EPB41L4A: variants seen among roughly 807,000 people sequenced by gnomAD.
EPB41L4A encodes the protein erythrocyte membrane protein band 4.1 like 4A, also known as band 4.1-like protein 4A.
Under a neutral mutation model 108.6 loss-of-function variants are expected in EPB41L4A, and 100 were observed. That is an observed-to-expected ratio of 0.92 (90% CI 0.78 to 1.09). The LOEUF is 1.09. EPB41L4A is among the 50% of genes least tolerant of loss of function. The probability of loss-of-function intolerance (pLI) is 0.00; values close to 1 mark genes in which losing one functional copy is unlikely to be tolerated. For synonymous variants in EPB41L4A, 319 were observed against 289.0 expected (o/e 1.10, Z -1.05); for missense variants, 1,030 against 842.7 (o/e 1.22, Z -2.75).
intron 13 of EPB41L4A, among the ~76,000 whole-genome samples, chr5:112,144,141 C>G (rs1220134972): frequency 2.0e-5 from 3 of 152,104 alleles, no homozygotes; most frequent in African/African-American, 7.2e-5. Flanking sequence ...ATGGAGCAGC[C>G]CTGGGAATAT....
chr5:112,142,595 A>T (rs1375727627), exon 14 of EPB41L4A: 1 of 152,224 alleles, frequency 6.6e-6, no homozygotes, highest in Non-Finnish European at 1.5e-5. Flanking sequence ...ATCTAAGAAC[A>T]GATTTATTTT....
At chr5:112,236,066 C>T (rs1389013903) in intron 11 of EPB41L4A, among the ~76,000 whole-genome samples, 2 of 152,158 alleles carry the variant, frequency 1.3e-5, no homozygotes, top group African/African-American at 2.4e-5. Context: ...GGGCACTGTA[C>T]ACTTCACTCA....
At chr5:112,194,443 A>T in intron 17 of EPB41L4A, 125 bp downstream of exon 17, 1 of 567,980 alleles carries the variant, frequency 1.8e-6, no homozygotes, top group Non-Finnish European at 3.0e-6. Flanking sequence ...AGTGCTTCAA[A>T]ATAGTGCCAG....
intron 9 of EPB41L4A, among the ~76,000 whole-genome samples, chr5:112,257,563 G>C (rs887953511): frequency 6.6e-6 from 1 of 152,130 alleles, no homozygotes; most frequent in South Asian, 2.1e-4. Context: ...TAATCATGAA[G>C]TCCAAGAAGA....
chr5:112,297,830 C>A (rs1318614964), intron 2 of EPB41L4A, among the ~76,000 whole-genome samples: 1 of 152,036 alleles, frequency 6.6e-6, no homozygotes, highest in East Asian at 1.9e-4. Flanking sequence ...TTGCATAAGG[C>A]AAGAGATAAG....
At chr5:112,381,323 T>C (rs1467232209) in intron 1 of EPB41L4A, among the ~76,000 whole-genome samples, 2 of 152,228 alleles carry the variant, frequency 1.3e-5, no homozygotes, top group East Asian at 1.9e-4. Context: ...TTATAATTCA[T>C]TGACTGCCTA....
chr5:112,198,597 TC>T (rs1170890323), intron 15 of EPB41L4A, among the ~76,000 whole-genome samples: 13 of 152,182 alleles, frequency 8.5e-5, no homozygotes, highest in Non-Finnish European at 5.9e-5. Flanking sequence ...TTTTCTCTGT[TC>T]TTTTTTCTTA....
rs1310384261 is a variant in EPB41L4A, at chr5:112,170,327, T to C, written c.1713A>G (p.Leu571=). 1.2e-5 allele frequency: 20 copies of C among 1,613,242 alleles called. No homozygotes were observed. In the Admixed American group the frequency reaches 3.2e-4, roughly 26 times the overall value. Residue 571 remains leucine (L), a synonymous_variant, in exon 20 of 23, where the codon TTA becomes TTG. Coordinates refer to ENST00000261486, the MANE Select transcript of EPB41L4A (RefSeq NM_022140.5). ...VDPSGLSEEQ[L]KEIPYTKIET... is the part of the protein sequence containing the mutation. ...CTATTTTAGTGTATGGAATCTCTTTTAATTGTTCTTCGGACAATCCGGATG... is the reference window on the plus strand; with the variant it reads ...CTATTTTAGTGTATGGAATCTCTTTCAATTGTTCTTCGGACAATCCGGATG...
chr5:112,183,600 G>A (rs898525831), intron 18 of EPB41L4A, among the ~76,000 whole-genome samples: 1 of 150,406 alleles, frequency 6.6e-6, no homozygotes, highest in Non-Finnish European at 1.5e-5. Flanking sequence ...ACTGACTACT[G>A]TTCACAAATT....
At chr5:112,199,776 C>G (rs1422997743) in intron 15 of EPB41L4A, among the ~76,000 whole-genome samples, 3 of 152,210 alleles carry the variant, frequency 2.0e-5, no homozygotes, top group Admixed American at 2.0e-4. Flanking sequence ...TCCCTCTCCT[C>G]TACCCCTCAT....
chr5:112,240,635 C>A (rs950091248), intron 10 of EPB41L4A, 84 bp downstream of exon 10: 2 of 736,644 alleles, frequency 2.7e-6, no homozygotes, highest in African/African-American at 3.7e-5. Flanking sequence ...TTCCAAATTT[C>A]TGTTTTAGAC....
intron 2 of EPB41L4A, among the ~76,000 whole-genome samples, chr5:112,281,237 T>C (rs1320805529): frequency 6.6e-6 from 1 of 152,270 alleles, no homozygotes; most frequent in Non-Finnish European, 1.5e-5. Flanking sequence ...CTAAGATACC[T>C]ACTTATTAAT....
chr5:112,302,222 T>A (rs1032462959), intron 2 of EPB41L4A, among the ~76,000 whole-genome samples: 1 of 152,092 alleles, frequency 6.6e-6, no homozygotes, highest in African/African-American at 2.4e-5. Flanking sequence ...AAAAAATTCA[T>A]AGACCAGGTA....
intron 18 of EPB41L4A, among the ~76,000 whole-genome samples, chr5:112,172,753 C>A (rs1024979985): frequency 1.3e-5 from 2 of 152,150 alleles, no homozygotes; most frequent in African/African-American, 4.8e-5. Context: ...TTACAGTCAA[C>A]CAAGAGTCTG....
intron 18 of EPB41L4A, among the ~76,000 whole-genome samples, chr5:112,174,961 C>G (rs1200999735): frequency 6.6e-6 from 1 of 152,098 alleles, no homozygotes. Context: ...CCTCCCCCTC[C>G]AAATCAAAGA....
At chr5:112,206,947 T>C (rs904430466) in intron 13 of EPB41L4A, 2 of 152,198 alleles carry the variant, frequency 1.3e-5, no homozygotes, top group African/African-American at 2.4e-5. Flanking sequence ...TATTCTAAAA[T>C]GGACCCTCCC....
At chr5:112,333,698 G>C (rs1756733567) in intron 1 of EPB41L4A, among the ~76,000 whole-genome samples, 1 of 152,144 alleles carries the variant, frequency 6.6e-6, no homozygotes, top group African/African-American at 2.4e-5. Context: ...CAGATCTAAT[G>C]CCACTTTTCC....
At chr5:112,302,782 C>T (rs935943388) in intron 2 of EPB41L4A, among the ~76,000 whole-genome samples, 1 of 152,114 alleles carries the variant, frequency 6.6e-6, no homozygotes, top group Non-Finnish European at 1.5e-5. Context: ...TAATTTAAAC[C>T]ATGGAACAGT....
intron 1 of EPB41L4A, among the ~76,000 whole-genome samples, chr5:112,410,246 G>T (rs1041748054): frequency 1.3e-5 from 2 of 152,148 alleles, no homozygotes; most frequent in African/African-American, 4.8e-5. Flanking sequence ...AGGAGATGGT[G>T]GGAGAAAGAA....
Sources: allele counts gnomAD v4.1 joint callset (sites outside exome capture counted in the v4.1 genomes callset), GRCh38; gene constraint gnomAD v4.1.1; transcripts MANE v1.5; gene names NCBI Gene and HGNC (gene_info 2026-07-23, HGNC 2026-07-21).